Variants in ALK observed in about 807,000 individuals in gnomAD.
The protein encoded by ALK is ALK receptor tyrosine kinase.
ALK carries 74 observed loss-of-function variants against 163.1 expected under a neutral mutation model. The observed-to-expected ratio is 0.45, with a 90% CI of 0.38 to 0.55. The LOEUF (loss-of-function observed/expected upper bound fraction) is 0.55. ALK is among the 20% of genes least tolerant of loss of function. ALK has a pLI of 0.00. For missense variants in ALK, 2,063 were observed against 2,105.3 expected (o/e 0.98, Z 0.39); for synonymous variants, 960 against 843.2 (o/e 1.14, Z -2.40).
chr2:29,362,316 C>G (rs1668405933), intron 5 of ALK, among the ~76,000 whole-genome samples: 1 of 152,218 alleles, frequency 6.6e-6, no homozygotes, highest in Non-Finnish European at 1.5e-5. Context: ...CCAACAAACA[C>G]TAGCAACTCA....
At chr2:29,493,225 G>A (rs2148126291) in intron 4 of ALK, among the ~76,000 whole-genome samples, 1 of 152,298 alleles carries the variant, frequency 6.6e-6, no homozygotes, top group Non-Finnish European at 1.5e-5. Context: ...GATGAAGACT[G>A]GATGGCTATA....
chr2:29,726,850 C>T (rs1482972992), intron 1 of ALK, among the ~76,000 whole-genome samples: 5 of 152,264 alleles, frequency 3.3e-5, no homozygotes, highest in African/African-American at 7.2e-5. Flanking sequence ...GATTGAGGCT[C>T]GGAAAGCACA....
chr2:29,380,389 C>T (rs2148299116), intron 5 of ALK, among the ~76,000 whole-genome samples: 2 of 151,974 alleles, frequency 1.3e-5, no homozygotes, highest in Admixed American at 1.3e-4. Flanking sequence ...CAGGCATGAG[C>T]CACCTTGCCT....
intron 2 of ALK, among the ~76,000 whole-genome samples, chr2:29,715,780 T>C (rs1323141794): frequency 6.6e-6 from 1 of 152,242 alleles, no homozygotes; most frequent in African/African-American, 2.4e-5. Context: ...CAGATTTCAA[T>C]TATTTATAGA....
intron 4 of ALK, among the ~76,000 whole-genome samples, chr2:29,455,415 TCTG>T (rs1670926832): frequency 6.6e-6 from 1 of 152,172 alleles, no homozygotes; most frequent in Non-Finnish European, 1.5e-5. Flanking sequence ...CTTGGAGACT[TCTG>T]CTGTCCTGTG....
intron 1 of ALK, among the ~76,000 whole-genome samples, chr2:29,828,428 G>A (rs1665261718): frequency 6.6e-6 from 1 of 152,154 alleles, no homozygotes; most frequent in South Asian, 2.1e-4. Flanking sequence ...CTGACAGAGG[G>A]CTAATATCCA....
At chr2:29,440,404 C>T (rs943905019) in intron 4 of ALK, among the ~76,000 whole-genome samples, 12 of 149,274 alleles carry the variant, frequency 8.0e-5, no homozygotes, top group African/African-American at 2.0e-4. Flanking sequence ...ATAATCTCTG[C>T]CTCCTGGGTT....
intron 1 of ALK, among the ~76,000 whole-genome samples, chr2:29,910,829 A>G (rs1667680916): frequency 6.6e-6 from 1 of 152,218 alleles, no homozygotes; most frequent in Non-Finnish European, 1.5e-5. Context: ...ACAACATTAA[A>G]TATTAAAGGC....
chr2:29,886,235 T>C (rs1558533847), intron 1 of ALK, among the ~76,000 whole-genome samples: 1 of 152,250 alleles, frequency 6.6e-6, no homozygotes, highest in Non-Finnish European at 1.5e-5. Flanking sequence ...TGACTGTTTA[T>C]GTTATCAGTA....
chr2:29,328,325 G>C (rs1437813460), intron 6 of ALK, 25 bp downstream of exon 6: 1 of 1,614,016 alleles, frequency 6.2e-7, no homozygotes, highest in Admixed American at 1.7e-5. Flanking sequence ...GGCTCAGGCA[G>C]GGTGGGGCAG....
intron 3 of ALK, among the ~76,000 whole-genome samples, chr2:29,679,586 G>T (rs1219469583): frequency 6.6e-6 from 1 of 151,574 alleles, no homozygotes; most frequent in Admixed American, 6.6e-5. Context: ...CTAAAATATA[G>T]AAATTTTGCT....
chr2:29,294,193 C>T (rs985703594), intron 9 of ALK, among the ~76,000 whole-genome samples: 20 of 152,188 alleles, frequency 1.3e-4, no homozygotes, highest in Non-Finnish European at 2.5e-4. Context: ...TTATGTCTTC[C>T]TCTACCTTCT....
At chr2:29,758,410 T>G (rs1028555100) in intron 1 of ALK, among the ~76,000 whole-genome samples, 1 of 152,172 alleles carries the variant, frequency 6.6e-6, no homozygotes, top group Non-Finnish European at 1.5e-5. Flanking sequence ...CCATGGCACC[T>G]CATTGACAAG....
At chr2:29,730,781 G>T (rs1433120427) in intron 1 of ALK, among the ~76,000 whole-genome samples, 2 of 152,214 alleles carry the variant, frequency 1.3e-5, no homozygotes, top group African/African-American at 4.8e-5. Flanking sequence ...GTCTGGCCTA[G>T]CCTCCCAGTG....
chr2:29,672,463 G>A (rs6547969), intron 3 of ALK, among the ~76,000 whole-genome samples: 12,855 of 149,504 alleles, frequency 0.086, 880 homozygotes, highest in African/African-American at 0.22. Flanking sequence ...TACTGAGAAT[G>A]ATGATTTCCA....
intron 5 of ALK, among the ~76,000 whole-genome samples, chr2:29,329,025 T>A (rs1256156287): frequency 1.3e-5 from 2 of 152,182 alleles, no homozygotes; most frequent in African/African-American, 2.4e-5. Flanking sequence ...GGGCCTCAGA[T>A]CTGGACTTGG....
intron 4 of ALK, among the ~76,000 whole-genome samples, chr2:29,528,832 A>T (rs951876950): frequency 6.6e-6 from 1 of 151,770 alleles, no homozygotes; most frequent in African/African-American, 2.4e-5. Context: ...TGCCTATGTG[A>T]CTCTGTGATC....
chr2:29,900,799 GAAGA>G (rs1667392763), intron 1 of ALK, among the ~76,000 whole-genome samples: 1 of 152,164 alleles, frequency 6.6e-6, no homozygotes, highest in African/African-American at 2.4e-5. Flanking sequence ...AGACATGTAA[GAAGA>G]AAGGAGCACA....
chr2:29,571,027 G>A (rs1003376215), intron 3 of ALK, among the ~76,000 whole-genome samples: 8 of 152,184 alleles, frequency 5.3e-5, no homozygotes, highest in African/African-American at 1.9e-4. Context: ...GAAAGAGTTG[G>A]AGGAGAGAAA....
Sources: allele counts gnomAD v4.1 joint callset (sites outside exome capture counted in the v4.1 genomes callset), GRCh38; gene constraint gnomAD v4.1.1; transcripts MANE v1.5; gene names NCBI Gene and HGNC (gene_info 2026-07-23, HGNC 2026-07-21).